Variants in PTTG1IP2 observed in about 807,000 individuals in gnomAD.
PTTG1IP2 encodes PTTG1IP family member 2.
chr7:90,476,971 T>G (rs1365022218), intron 1 of PTTG1IP2, among the ~76,000 whole-genome samples: 1 of 152,202 alleles, frequency 6.6e-6, no homozygotes, highest in East Asian at 1.9e-4. Flanking sequence ...ATATATTTTA[T>G]GCCAGGAATG....
intron 6 of PTTG1IP2, among the ~76,000 whole-genome samples, chr7:90,507,883 G>A (rs1798141724): frequency 6.6e-6 from 1 of 152,122 alleles, no homozygotes; most frequent in African/African-American, 2.4e-5. Flanking sequence ...AGATCATAAA[G>A]AGGAACTTTA....
chr7:90,486,990 G>A (rs1797882031), intron 2 of PTTG1IP2, among the ~76,000 whole-genome samples: 2 of 152,140 alleles, frequency 1.3e-5, no homozygotes, highest in South Asian at 4.1e-4. Context: ...AGGTAGAGTT[G>A]TTCCTCACTT....
chr7:90,501,882 G>A (rs1317454550), intron 6 of PTTG1IP2, among the ~76,000 whole-genome samples: 1 of 152,144 alleles, frequency 6.6e-6, no homozygotes, highest in African/African-American at 2.4e-5. Context: ...TGCAGCATGT[G>A]ATGCTGTTTG....
At chr7:90,473,516 T>C (rs1482541456) in intron 1 of PTTG1IP2, among the ~76,000 whole-genome samples, 1 of 152,212 alleles carries the variant, frequency 6.6e-6, no homozygotes, top group East Asian at 1.9e-4. Flanking sequence ...TTTAGCTAAA[T>C]GTTTATTCAA....
At chr7:90,498,633 A>G (rs955038061) in intron 6 of PTTG1IP2, among the ~76,000 whole-genome samples, 5 of 152,216 alleles carry the variant, frequency 3.3e-5, no homozygotes, top group Non-Finnish European at 5.9e-5. Flanking sequence ...CCTTTTTTAC[A>G]CCAGTGATAT....
At chr7:90,506,505 G>C (rs1403303640) in intron 6 of PTTG1IP2, among the ~76,000 whole-genome samples, 1 of 152,104 alleles carries the variant, frequency 6.6e-6, no homozygotes, top group East Asian at 1.9e-4. Flanking sequence ...ACTCACACCT[G>C]TAATCCCAGC....
intron 1 of PTTG1IP2, among the ~76,000 whole-genome samples, chr7:90,472,247 TAAAG>T (rs1157730054): frequency 7.0e-6 from 1 of 143,066 alleles, no homozygotes; most frequent in Non-Finnish European, 1.5e-5. Context: ...CACAGCAAAA[TAAAG>T]AAATAAAGGA....
chr7:90,499,899 T>TAAAAC (rs1185310719), intron 6 of PTTG1IP2, among the ~76,000 whole-genome samples: 3 of 151,854 alleles, frequency 2.0e-5, no homozygotes, highest in African/African-American at 7.3e-5. Context: ...CTTTTAAAAA[T>TAAAAC]AAAACTGTAA....
At chr7:90,490,276 T>C (rs1276725846) in intron 4 of PTTG1IP2, among the ~76,000 whole-genome samples, 3 of 152,068 alleles carry the variant, frequency 2.0e-5, no homozygotes, top group African/African-American at 4.8e-5. Flanking sequence ...CATCCCAGTA[T>C]GATATTATTT....
intron 2 of PTTG1IP2, among the ~76,000 whole-genome samples, chr7:90,481,598 A>G (rs537270415): frequency 6.6e-6 from 1 of 152,200 alleles, no homozygotes; most frequent in East Asian, 1.9e-4. Flanking sequence ...TCATTCCCCA[A>G]CTGATAACAT....
intron 1 of PTTG1IP2, among the ~76,000 whole-genome samples, chr7:90,472,432 C>T (rs937372944): frequency 3.3e-5 from 5 of 152,018 alleles, no homozygotes; most frequent in African/African-American, 7.2e-5. Flanking sequence ...AAACAAGCCT[C>T]GAAGTCGATA....
chr7:90,484,720 A>G (rs988489786), intron 2 of PTTG1IP2, among the ~76,000 whole-genome samples: 7 of 152,182 alleles, frequency 4.6e-5, no homozygotes, highest in Non-Finnish European at 1.0e-4. Flanking sequence ...AACTCAAACT[A>G]ATTTAATAAA....
At chr7:90,497,713 TATAA>T (rs1487738011) in intron 6 of PTTG1IP2, among the ~76,000 whole-genome samples, 10,956 of 48,496 alleles carry the variant, frequency 0.23, 1,465 homozygotes, top group Middle Eastern at 0.28. Flanking sequence ...AAAGACCCTG[TATAA>T]AAAAAAAAAA....
chr7:90,510,595 A>G (rs1189460443), intron 6 of PTTG1IP2, among the ~76,000 whole-genome samples: 1 of 152,158 alleles, frequency 6.6e-6, no homozygotes, highest in African/African-American at 2.4e-5. Flanking sequence ...AAATATTCTA[A>G]TGGAAGTATG....
At chr7:90,508,287 AAAAG>A (rs1309231700) in intron 6 of PTTG1IP2, among the ~76,000 whole-genome samples, 1 of 127,376 alleles carries the variant, frequency 7.9e-6, no homozygotes, top group Non-Finnish European at 1.9e-5. Flanking sequence ...AAAAGAAAAG[AAAAG>A]AAAAAATATT....
intron 6 of PTTG1IP2, among the ~76,000 whole-genome samples, chr7:90,511,427 G>A (rs763142608): frequency 3.3e-5 from 5 of 152,034 alleles, no homozygotes; most frequent in Non-Finnish European, 7.4e-5. Flanking sequence ...CACAATTTGG[G>A]CTCAAGAGAT....
At chr7:90,472,663 A>G (rs1486680149) in intron 1 of PTTG1IP2, among the ~76,000 whole-genome samples, 1 of 152,098 alleles carries the variant, frequency 6.6e-6, no homozygotes, top group African/African-American at 2.4e-5. Context: ...CCTAGGGGGT[A>G]CTGTTATCTG....
intron 6 of PTTG1IP2, among the ~76,000 whole-genome samples, chr7:90,511,530 T>A (rs1438188922): frequency 6.6e-6 from 1 of 152,178 alleles, no homozygotes; most frequent in East Asian, 1.9e-4. Flanking sequence ...TTCTTTCTGA[T>A]AAGAGGCGCT....
At chr7:90,505,312 G>T (rs1295906155) in intron 6 of PTTG1IP2, among the ~76,000 whole-genome samples, 3 of 152,218 alleles carry the variant, frequency 2.0e-5, no homozygotes, top group African/African-American at 4.8e-5. Context: ...GAAAGCTATT[G>T]TTGGACTGCA....
Sources: gnomAD v4.1 joint callset for allele counts (sites outside exome capture counted in the v4.1 genomes callset) on GRCh38, gnomAD v4.1.1 for gene constraint, MANE v1.5 for transcripts, NCBI Gene and HGNC (gene_info 2026-07-23, HGNC 2026-07-21) for gene names.